TSHZ3: variants seen among roughly 807,000 people sequenced by gnomAD.
TSHZ3 encodes teashirt zinc finger homeobox 3.
In TSHZ3, 10 loss-of-function variants were observed where a neutral mutation model predicts 64.5. The observed-to-expected ratio is 0.16, with a 90% CI of 0.10 to 0.26. TSHZ3 has a LOEUF of 0.26. Among genes scored for constraint, TSHZ3 ranks in the 10% least tolerant of loss-of-function variants. The pLI is 1.00. For synonymous variants in TSHZ3, 608 were observed against 593.1 expected, an observed-to-expected ratio of 1.03 and a Z score of -0.36; for missense variants, 1,242 against 1,421.7, an observed-to-expected ratio of 0.87 and a Z score of 2.03.
intron 1 of TSHZ3, among the ~76,000 whole-genome samples, chr19:31,336,597 C>A (rs1258710376): frequency 6.6e-6 from 1 of 152,178 alleles, no homozygotes; most frequent in African/African-American, 2.4e-5. Context: ...AAGTTTCAGA[C>A]CCACCAGAAC....
rs943818080 is a variant in TSHZ3 at position 31,288,392 on chromosome 19, T to A, written c.41-8640A>T. On this transcript the variant is annotated intron_variant, in intron 1 of 1. Coordinates refer to ENST00000240587, the MANE Select transcript of TSHZ3 (RefSeq NM_020856.4). Reference sequence around the variant, plus strand: ...AAAATGCCAAGAGGCTCACAAGGCATCTTGACCACTTCTCACTCCCCACTT... The same window carrying A: ...AAAATGCCAAGAGGCTCACAAGGCAACTTGACCACTTCTCACTCCCCACTT... 1.4e-4 allele frequency among the ~76,000 whole-genome samples: 21 copies of A among 152,142 alleles called. No homozygotes were observed. The East Asian group carries it at 4.1e-3, about 29-fold the overall frequency.
intron 1 of TSHZ3, among the ~76,000 whole-genome samples, chr19:31,246,035 T>A (rs921007699): frequency 2.6e-5 from 4 of 152,194 alleles, no homozygotes; most frequent in Non-Finnish European, 5.9e-5. Flanking sequence ...TATTCAGACC[T>A]CAGAGACTTC....
rs116775833 is a variant in TSHZ3 at position 31,325,441 on chromosome 19, A to G, written c.40+23739T>C. Among the ~76,000 whole-genome samples the G allele has an allele frequency of 4.5e-3, 691 of 152,302 alleles. 2 individuals are homozygous for G. The highest frequency in any genetic ancestry group is 0.016 in the African/African-American group (665 of 41,572). Reference sequence around the variant, plus strand: ...AATACAGGGATTCATATGCTTTCATATCCGTATCCATTTTTGTTGATGCAT... The same window carrying G: ...AATACAGGGATTCATATGCTTTCATGTCCGTATCCATTTTTGTTGATGCAT... On this transcript the variant is annotated intron_variant, in intron 1 of 1. Transcript: ENST00000240587.
At position 31,216,662 on chromosome 19, in the gene TSHZ3, A is replaced by G. The variant is rs537641694; in HGVS notation, n.686+11343T>C. 8.7e-4 allele frequency among the ~76,000 whole-genome samples: 132 copies of G among 151,132 alleles called. No individual in the cohort carries two copies. The South Asian group carries it at 0.012, about 14-fold the overall frequency. On this transcript the variant is annotated intron_variant and non_coding_transcript_variant, in intron 4 of 6. Coordinates refer to the TSHZ3 transcript ENST00000651361. The stretch of plus-strand genomic sequence containing the variant: ...TTGTTTTGTTTTGTTTTTGAGATGG[A>G]GTCTCACTCTGCCACCCAGGCTGGA...
At chr19:31,261,364 C>A (rs552830312) in intron 1 of TSHZ3, among the ~76,000 whole-genome samples, 2 of 152,198 alleles carry the variant, frequency 1.3e-5, no homozygotes, top group South Asian at 2.1e-4. Flanking sequence ...GTGTTTCCTG[C>A]AAAAGAGGAA....
At chr19:31,320,344 C>T (rs1916731110) in intron 1 of TSHZ3, among the ~76,000 whole-genome samples, 1 of 152,112 alleles carries the variant, frequency 6.6e-6, no homozygotes, top group Non-Finnish European at 1.5e-5. Context: ...CTTTATCTAC[C>T]CATATAATAT....
chr19:31,298,401 A>G (rs1227726658), intron 1 of TSHZ3, among the ~76,000 whole-genome samples: 1 of 152,164 alleles, frequency 6.6e-6, no homozygotes, highest in Non-Finnish European at 1.5e-5. Flanking sequence ...CTTTGAATTA[A>G]ATCAAACTTT....
intron 5 of TSHZ3, among the ~76,000 whole-genome samples, chr19:31,174,913 C>A (rs79588988): frequency 6.6e-6 from 1 of 152,186 alleles, no homozygotes; most frequent in African/African-American, 2.4e-5. Flanking sequence ...ACAGCCAAAT[C>A]CCCCCTGCAT....
intron 5 of TSHZ3, among the ~76,000 whole-genome samples, chr19:31,180,628 A>T (rs1160883798): frequency 3.9e-5 from 6 of 152,234 alleles, no homozygotes; most frequent in Non-Finnish European, 5.9e-5. Context: ...AGAAACACAA[A>T]CCTGTCTTCC....
At chr19:31,201,129 G>A (rs1384638988) in intron 5 of TSHZ3, among the ~76,000 whole-genome samples, 1 of 152,108 alleles carries the variant, frequency 6.6e-6, no homozygotes, top group African/African-American at 2.4e-5. Flanking sequence ...TTAGTACAAC[G>A]TTAAAAGTAT....
At chr19:31,311,397 G>A (rs1916455986) in intron 1 of TSHZ3, among the ~76,000 whole-genome samples, 1 of 152,200 alleles carries the variant, frequency 6.6e-6, no homozygotes, top group Non-Finnish European at 1.5e-5. Flanking sequence ...CAAAATAGGT[G>A]CCAATGTGCT....
At position 31,349,339 on chromosome 19, in the gene TSHZ3, G is replaced by A. The variant is rs2021627757; in HGVS notation, c.-120C>T. 1 of 951,140 alleles carries A rather than the reference G, an allele frequency of 1.1e-6. No individual in the cohort carries two copies. The highest frequency in any genetic ancestry group is 1.4e-6 in the Non-Finnish European group (1 of 701,358). The allele number at this position is 951,140 out of a possible 1,614,324, so 58.9% of individuals were successfully genotyped here. A position where few individuals can be genotyped will look rare whatever the true frequency, so the allele number is the denominator to read the frequency against. ...CGGGCCTGCTCTCAGCCTCCCCCCC[G>A]GAGAGCGGCCGCCCGCAGGATGCTG... On this transcript the variant is annotated 5_prime_UTR_variant, in exon 1 of 2. Coordinates refer to ENST00000240587, the MANE Select transcript of TSHZ3 (RefSeq NM_020856.4).
At chr19:31,302,775 T>A (rs1441197598) in intron 1 of TSHZ3, among the ~76,000 whole-genome samples, 1 of 152,088 alleles carries the variant, frequency 6.6e-6, no homozygotes, top group Non-Finnish European at 1.5e-5. Context: ...CACTTCCATA[T>A]GGGAAGTGAG....
intron 5 of TSHZ3, among the ~76,000 whole-genome samples, chr19:31,165,033 G>A (rs2173054): frequency 0.7 from 106,616 of 152,128 alleles, 37,578 homozygotes; most frequent in African/African-American, 0.73. Flanking sequence ...TGCCAGGGCC[G>A]GCGTTTGTTC....
Position 31,278,939 on chromosome 19 carries a change from T to C in TSHZ3, c.854A>G (p.Glu285Gly). Residue 285 changes from glutamate to glycine, a missense_variant, in exon 2 of 2, where the codon GAG (glutamate) becomes GGG (glycine). Transcript: ENST00000240587. This position sits in a 1 kb window ranked among gnomAD's most constrained non-coding sequence, Gnocchi z 4.7. The part of the protein sequence containing the change: ...LKCMYCGHSF[E>G]SLQDLSVHMI... The stretch of plus-strand genomic sequence containing the variant: ...ATGGACACTCAAATCCTGCAGGGAC[T>C]CAAAGGAGTGGCCACAGTACATGCA... 3.7e-6 allele frequency: 6 copies of C among 1,614,138 alleles called. No individual in the cohort carries two copies. Among genetic ancestry groups the C allele is most frequent in the Non-Finnish European group, 5.1e-6 (6 of 1,180,028 alleles).
At chr19:31,297,383 A>C (rs1390914931) in intron 1 of TSHZ3, among the ~76,000 whole-genome samples, 1 of 151,904 alleles carries the variant, frequency 6.6e-6, no homozygotes, top group East Asian at 2.0e-4. Context: ...TGAATAAGAT[A>C]ACTACCAAGA....
At chr19:31,191,644 G>A (rs1416934671) in intron 5 of TSHZ3, among the ~76,000 whole-genome samples, 1 of 151,942 alleles carries the variant, frequency 6.6e-6, no homozygotes, top group Admixed American at 6.6e-5. Flanking sequence ...TTCACTTGTG[G>A]CCAGGATTTT....
chr19:31,222,787 C>T (rs1975407986), intron 4 of TSHZ3, among the ~76,000 whole-genome samples: 1 of 152,204 alleles, frequency 6.6e-6, no homozygotes, highest in African/African-American at 2.4e-5. Flanking sequence ...CTGGGAATCT[C>T]GTCTCTTGTC....
intron 1 of TSHZ3, among the ~76,000 whole-genome samples, chr19:31,306,629 C>T (rs1294932708): frequency 6.6e-6 from 1 of 152,156 alleles, no homozygotes; most frequent in Non-Finnish European, 1.5e-5. Flanking sequence ...AGCACAGAAC[C>T]TGGGTCTCTG....
Sources: allele counts gnomAD v4.1 joint callset (sites outside exome capture counted in the v4.1 genomes callset), GRCh38; gene constraint gnomAD v4.1.1; non-coding constraint Gnocchi (gnomAD v3.1); transcripts MANE v1.5; gene names NCBI Gene and HGNC (gene_info 2026-07-23, HGNC 2026-07-21).